Variants in RIC3 observed in about 807,000 individuals in gnomAD.
RIC3 encodes RIC3 acetylcholine receptor chaperone.
In RIC3, 28 loss-of-function variants were observed where a neutral mutation model predicts 27.3. The ratio of observed to expected loss-of-function variants is 1.02; its 90% CI spans 0.76 to 1.41. RIC3 has a LOEUF of 1.41. Ranked by LOEUF, RIC3 falls within the 40% of genes most tolerant of loss-of-function variation. The probability of loss-of-function intolerance (pLI) is 0.00; values close to 1 mark genes in which losing one functional copy is unlikely to be tolerated. For synonymous variants in RIC3, 184 were observed against 160.4 expected, an observed-to-expected ratio of 1.15 and a Z score of -1.11; for missense variants, 501 against 444.7, an observed-to-expected ratio of 1.13 and a Z score of -1.14.
chr11:8,144,961 A>G (rs1949511134), intron 1 of RIC3, among the ~76,000 whole-genome samples: 1 of 135,728 alleles, frequency 7.4e-6, no homozygotes, highest in South Asian at 2.6e-4. Context: ...ATTCTCACTC[A>G]TAGGTGGGAA....
chr11:8,127,666 ATC>A lies in RIC3; in HGVS notation c.522-861_522-860del, dbSNP rs372844254. On this transcript the variant is annotated intron_variant, in intron 4 of 5. Transcript: ENST00000309737. ...GGTCCTACTTAGAAGACTGATAACT[ATC>A]TGCTTTGAGACCAGTTTTATCTAGC... 6.5e-3 allele frequency among the ~76,000 whole-genome samples: 984 copies of A among 152,340 alleles called. 22 individuals are homozygous for A. Among genetic ancestry groups the A allele is most frequent in the Admixed American group, 0.051 (783 of 15,300 alleles).
the RIC3 span, chr11:8,100,463 T>C: frequency 1.5e-4 from 234 of 1,537,548 alleles, 2 homozygotes; most frequent in Admixed American, 2.7e-3. Flanking sequence ...AGTAGGTAAA[T>C]AGACGCCTCA....
intron 1 of RIC3, among the ~76,000 whole-genome samples, chr11:8,166,256 C>T (rs1332207121): frequency 6.6e-6 from 1 of 152,060 alleles, no homozygotes; most frequent in Non-Finnish European, 1.5e-5. Context: ...AAACTGTGGC[C>T]GCCTCAAAGC....
Position 8,108,581 on chromosome 11 carries a change from T to C in RIC3, c.*2117A>G, listed in dbSNP as rs1944915711. Reference sequence around the variant, plus strand: ...ACCCTGAAGCCAAAGCTCAGACCAGTTAAGGAGCTGACCCAAGATTCCACA... The same window carrying C: ...ACCCTGAAGCCAAAGCTCAGACCAGCTAAGGAGCTGACCCAAGATTCCACA... On this transcript the variant is annotated 3_prime_UTR_variant, in exon 6 of 6. Transcript: ENST00000309737. 1 of 152,176 alleles carries C rather than the reference T, an allele frequency of 6.6e-6. No individual in the cohort carries two copies. Among genetic ancestry groups the C allele is most frequent in the Admixed American group, 6.5e-5 (1 of 15,282 alleles). The allele number at this position is 152,176 out of a possible 1,614,324, so 9.4% of individuals were successfully genotyped here.
Position 8,139,717 on chromosome 11 carries a change from T to C in RIC3, c.351+250A>G, listed in dbSNP as rs1948828861. On this transcript the variant is annotated intron_variant, in intron 2 of 5. Coordinates refer to ENST00000309737, the MANE Select transcript of RIC3 (RefSeq NM_001206671.4). The stretch of plus-strand genomic sequence containing the variant: ...ACTGGATTAAGAACCAAAAGATCCA[T>C]GTTCAAGTCCTAGTTCTGCCTTGTT... 6 of 351,438 alleles carry C rather than the reference T, an allele frequency of 1.7e-5. No homozygotes were observed. In the South Asian group the frequency reaches 2.7e-4, roughly 16 times the overall value. The allele number at this position is 351,438 out of a possible 1,614,324, so 21.8% of individuals were successfully genotyped here.
chr11:8,161,100 A>G (rs1043005083), intron 1 of RIC3, among the ~76,000 whole-genome samples: 3 of 152,236 alleles, frequency 2.0e-5, no homozygotes, highest in Non-Finnish European at 4.4e-5. Context: ...ATATGTTGCA[A>G]GAGAAAAGGA....
intron 1 of RIC3, among the ~76,000 whole-genome samples, chr11:8,159,211 G>C (rs538495729): frequency 6.6e-6 from 1 of 152,238 alleles, no homozygotes; most frequent in African/African-American, 2.4e-5. Flanking sequence ...CGAAGGGAAA[G>C]GCACATGGAT....
intron 5 of RIC3, among the ~76,000 whole-genome samples, chr11:8,114,174 A>G (rs1945586536): frequency 6.6e-6 from 1 of 152,240 alleles, no homozygotes; most frequent in Non-Finnish European, 1.5e-5. Flanking sequence ...GCCAGAATGC[A>G]AAAACCATTC....
rs377405886 is a variant in RIC3, at chr11:8,124,488, G to T, written c.670+2171C>A. Among the ~76,000 whole-genome samples, 19 of 152,260 alleles carry T rather than the reference G, an allele frequency of 1.2e-4. No homozygotes were observed. In the East Asian group the frequency reaches 2.5e-3, roughly 20 times the overall value. On this transcript the variant is annotated intron_variant, in intron 5 of 5. Transcript: ENST00000309737. The stretch of plus-strand genomic sequence containing the variant: ...CAAATTGATCTAAAGATTCAAAGCA[G>T]TACCAATCAAAATCCCATCAGGCTT...
At chr11:8,114,226 T>C (rs948191153) in intron 5 of RIC3, among the ~76,000 whole-genome samples, 2 of 152,106 alleles carry the variant, frequency 1.3e-5, no homozygotes, top group Non-Finnish European at 1.5e-5. Flanking sequence ...CAGATACCAA[T>C]GCATAGCCAT....
intron 5 of RIC3, among the ~76,000 whole-genome samples, chr11:8,118,670 C>T (rs1375950208): frequency 1.3e-5 from 2 of 151,774 alleles, no homozygotes; most frequent in Non-Finnish European, 2.9e-5. Context: ...GAGTTCGAGA[C>T]CAGCCTGACC....
Position 8,110,511 on chromosome 11 carries a change from G to A in RIC3, c.*187C>T. ...GAAGCTGTCCTGTGTTCACACTAAT[G>A]TCCGTGTTTTACAAGGTGACAGGTG... On this transcript the variant is annotated 3_prime_UTR_variant, in exon 6 of 6. Coordinates refer to ENST00000309737, the MANE Select transcript of RIC3 (RefSeq NM_001206671.4). 2.9e-6 allele frequency: 2 copies of A among 682,228 alleles called. No individual in the cohort carries two copies. The highest frequency in any genetic ancestry group is 5.4e-5 in the East Asian group (2 of 37,034). 42.3% of individuals were successfully genotyped at this position (682,228 alleles called of 1,614,324 possible).
intron 1 of RIC3, among the ~76,000 whole-genome samples, chr11:8,152,187 G>A (rs1209294812): frequency 1.3e-5 from 2 of 152,122 alleles, no homozygotes; most frequent in Non-Finnish European, 2.9e-5. Flanking sequence ...AAACAGTCTG[G>A]CAGTTTCTCA....
At chr11:8,137,120 G>C (rs1428317837) in intron 4 of RIC3, among the ~76,000 whole-genome samples, 2 of 152,154 alleles carry the variant, frequency 1.3e-5, no homozygotes, top group Non-Finnish European at 2.9e-5. Flanking sequence ...CGCCTCCCAG[G>C]TTCAAGCGAT....
intron 4 of RIC3, among the ~76,000 whole-genome samples, chr11:8,135,424 C>G (rs1293775982): frequency 6.6e-6 from 1 of 152,186 alleles, no homozygotes; most frequent in African/African-American, 2.4e-5. Context: ...CATGATGCCT[C>G]CAGCTTTGTT....
At chr11:8,104,993 A>G (rs1196525500), downstream of RIC3, 1 of 150,202 alleles carries the variant, frequency 6.7e-6, no homozygotes, top group African/African-American at 2.5e-5. Flanking sequence ...TAAACTTAGC[A>G]TTTAGAGGTA....
At chr11:8,119,756 G>A (rs919936417) in intron 5 of RIC3, among the ~76,000 whole-genome samples, 1 of 152,112 alleles carries the variant, frequency 6.6e-6, no homozygotes, top group Non-Finnish European at 1.5e-5. Flanking sequence ...GAGTGAACAG[G>A]CAACCTACAG....
chr11:8,147,511 A>T lies in RIC3; in HGVS notation c.125-7318T>A, dbSNP rs150020447. On this transcript the variant is annotated intron_variant, in intron 1 of 5. Coordinates refer to ENST00000309737, the MANE Select transcript of RIC3 (RefSeq NM_001206671.4). ...ATAGAATGTGGATCTTTCCCACAAG[A>T]GACAACCTTGCAGGGCAATTTCAAG... Among the ~76,000 whole-genome samples, 690 of 152,290 alleles carry T rather than the reference A, an allele frequency of 4.5e-3. 5 individuals are homozygous for T. The highest frequency in any genetic ancestry group is 0.017 in the Middle Eastern group (5 of 294).
At chr11:8,121,868 T>C (rs566472851) in intron 5 of RIC3, among the ~76,000 whole-genome samples, 1 of 152,326 alleles carries the variant, frequency 6.6e-6, no homozygotes, top group East Asian at 1.9e-4. Flanking sequence ...CCTTAGAATT[T>C]GTGTTGCTTT....
Sources: allele counts gnomAD v4.1 joint callset (sites outside exome capture counted in the v4.1 genomes callset), GRCh38; gene constraint gnomAD v4.1.1; transcripts MANE v1.5; gene names NCBI Gene and HGNC (gene_info 2026-07-23, HGNC 2026-07-21).